Variants in BTBD9 observed in about 807,000 individuals in gnomAD.
BTBD9 encodes the protein BTB domain containing 9, also known as BTB/POZ domain-containing protein 9.
BTBD9 carries 49 observed loss-of-function variants against 64.3 expected under a neutral mutation model. The observed-to-expected ratio is 0.76, with a 90% CI of 0.61 to 0.97. The LOEUF (loss-of-function observed/expected upper bound fraction) is 0.97, where lower values mean the gene tolerates loss of function less well. Ranked by LOEUF, BTBD9 falls within the 50% of genes least tolerant of loss-of-function variation. The pLI, the probability that BTBD9 is intolerant of heterozygous loss-of-function variation, is 0.00. For synonymous variants in BTBD9, 260 were observed against 274.7 expected, an observed-to-expected ratio of 0.95 and a Z score of 0.53; for missense variants, 598 against 762.1, an observed-to-expected ratio of 0.78 and a Z score of 2.53.
At chr6:38,407,287 T>A (rs1469271440) in intron 6 of BTBD9, among the ~76,000 whole-genome samples, 1 of 152,204 alleles carries the variant, frequency 6.6e-6, no homozygotes, top group East Asian at 1.9e-4. Context: ...AAATTCTAAC[T>A]TTTGTTCCCA....
chr6:38,256,532 A>T lies in BTBD9; in HGVS notation c.1455-16T>A. On this transcript the variant is annotated splice_polypyrimidine_tract_variant and intron_variant, in intron 8 of 10. Transcript: ENST00000481247. The stretch of plus-strand genomic sequence containing the variant: ...AAGTAGTAACCTGAACAAAGGGAAA[A>T]ACATAAGATTGCTGTAAATGTTTTA... 6.4e-7 allele frequency: 1 copy of T among 1,553,872 alleles called. No individual in the cohort carries two copies. Among genetic ancestry groups the T allele is most frequent in the South Asian group, 1.1e-5 (1 of 89,366 alleles).
In BTBD9 at chr6:38,504,851, CA is replaced by C. The variant is rs144119420; in HGVS notation, c.1154+72748del. On this transcript the variant is annotated intron_variant, in intron 6 of 10. Transcript: ENST00000481247. ...CATCTATGAACCATCATACAGCCTT[CA>C]AAAGAATGAATTAGGTCGATTCCGG... is the stretch of plus-strand genomic sequence containing the variant. 3.2e-3 allele frequency among the ~76,000 whole-genome samples: 481 copies of C among 152,270 alleles called. 2 individuals carry two copies. Among genetic ancestry groups the C allele is most frequent in the African/African-American group, 0.011 (458 of 41,552 alleles).
At position 38,592,608 on chromosome 6, in the gene BTBD9, C is replaced by G. The variant is rs753245160; in HGVS notation, c.782G>C (p.Arg261Pro). The change falls in exon 4 of 11, where the codon CGG (arginine) becomes CCG (proline). Residue 261 changes from arginine (R) to proline (P), a missense_variant. By Grantham distance (103) the Arg-to-Pro change is moderately radical (BLOSUM62 -2). Coordinates refer to ENST00000481247, the MANE Select transcript of BTBD9 (RefSeq NM_001099272.2). ...LDAIKVRSES[R>P]DMDLNYRGML... ...GCCTCTATAATTGAGGTCCATATCC[C>G]GGCTCTCAGATCGCACTTTAATGGC... The G allele has an allele frequency of 2.5e-6, 4 of 1,613,936 alleles. No individual in the cohort carries two copies. Among genetic ancestry groups the G allele is most frequent in the African/African-American group, 1.3e-5 (1 of 74,872 alleles).
intron 4 of BTBD9, 112 bp from the exon 5 acceptor site, chr6:38,580,549 C>T (rs114423425): frequency 2.4e-5 from 21 of 868,072 alleles, no homozygotes; most frequent in Non-Finnish European, 3.2e-5. Context: ...CATTTAAGAA[C>T]AGCATAGACA....
intron 6 of BTBD9, among the ~76,000 whole-genome samples, chr6:38,503,341 C>T (rs967202327): frequency 1.3e-4 from 20 of 152,124 alleles, no homozygotes; most frequent in African/African-American, 4.6e-4. Context: ...ACGGCCCAGG[C>T]TAATCTCTCC....
chr6:38,187,993 T>C (rs1761891022), intron 10 of BTBD9, among the ~76,000 whole-genome samples: 6 of 151,938 alleles, frequency 3.9e-5, no homozygotes, highest in Admixed American at 3.9e-4. Flanking sequence ...GCGGGGAAAA[T>C]TAGCATGCAG....
chr6:38,549,531 G>T (rs1774701847), intron 6 of BTBD9, among the ~76,000 whole-genome samples: 1 of 151,970 alleles, frequency 6.6e-6, no homozygotes, highest in Non-Finnish European at 1.5e-5. Context: ...TCCTCACTTA[G>T]GAACTGTCAA....
chr6:38,313,974 C>T (rs1762942789), intron 7 of BTBD9, among the ~76,000 whole-genome samples: 1 of 151,696 alleles, frequency 6.6e-6, no homozygotes, highest in Non-Finnish European at 1.5e-5. Context: ...TTCCTGACCT[C>T]AGGTGATCCA....
intron 6 of BTBD9, among the ~76,000 whole-genome samples, chr6:38,543,464 T>C (rs1213877411): frequency 1.3e-5 from 2 of 152,272 alleles, no homozygotes; most frequent in Non-Finnish European, 2.9e-5. Context: ...TAATAAATGT[T>C]TGTCAAATAA....
At chr6:38,374,296 T>TATATATATATATAC (rs1491482634) in intron 6 of BTBD9, among the ~76,000 whole-genome samples, 35 of 70,612 alleles carry the variant, frequency 5.0e-4, no homozygotes, top group Non-Finnish European at 7.2e-4. Context: ...TATATATATA[T>TATATATATATATAC]GTATATATAT....
chr6:38,345,108 A>G lies in BTBD9; in HGVS notation c.1155-15T>C. The G allele has an allele frequency of 6.4e-7, 1 of 1,550,782 alleles. No individual in the cohort carries two copies. ...TTCGAATATACCTGACGGTAAAAAG[A>G]AAAGAAAATGTGTTGAAAATGAGCT... On this transcript the variant is annotated splice_polypyrimidine_tract_variant and intron_variant, in intron 6 of 10. Coordinates refer to ENST00000481247, the MANE Select transcript of BTBD9 (RefSeq NM_001099272.2).
intron 6 of BTBD9, among the ~76,000 whole-genome samples, chr6:38,556,916 G>A (rs368882364): frequency 6.7e-6 from 1 of 148,546 alleles, no homozygotes; most frequent in Non-Finnish European, 1.5e-5. Context: ...GGGAGGCTGA[G>A]GCAAGAGAAT....
chr6:38,327,761 T>G (rs183045505), intron 7 of BTBD9, among the ~76,000 whole-genome samples: 6 of 152,332 alleles, frequency 3.9e-5, no homozygotes, highest in Admixed American at 3.3e-4. Flanking sequence ...ACAGATTAGT[T>G]TGCATTACTT....
At chr6:38,588,197 G>A in intron 4 of BTBD9, 1 of 826,576 alleles carries the variant, frequency 1.2e-6, no homozygotes, top group Non-Finnish European at 2.2e-6. Context: ...AACCTCAGCA[G>A]TTCCAAGGAT....
At chr6:38,354,449 C>G (rs1459592357) in intron 6 of BTBD9, among the ~76,000 whole-genome samples, 2 of 152,052 alleles carry the variant, frequency 1.3e-5, no homozygotes, top group Non-Finnish European at 2.9e-5. Flanking sequence ...TATGATAATA[C>G]TATAGGTTCA....
intron 9 of BTBD9, among the ~76,000 whole-genome samples, chr6:38,252,964 A>G (rs566607051): frequency 1.2e-4 from 18 of 152,232 alleles, no homozygotes; most frequent in African/African-American, 3.6e-4. Context: ...AAATACAAAA[A>G]TTAGCTTGGC....
chr6:38,175,269 G>T, intron 10 of BTBD9, 87 bp from the exon 11 acceptor site: 1 of 1,388,812 alleles, frequency 7.2e-7, no homozygotes, highest in Non-Finnish European at 1.0e-6. Flanking sequence ...GCCCTGCCCA[G>T]CTTTGGGGGC....
chr6:38,617,193 C>G (rs553468791), intron 1 of BTBD9, among the ~76,000 whole-genome samples: 59 of 152,278 alleles, frequency 3.9e-4, no homozygotes, highest in Non-Finnish European at 6.6e-4. Flanking sequence ...GAACCAGCTT[C>G]TGCTTTTCCT....
At chr6:38,206,773 A>G (rs1185544983) in intron 9 of BTBD9, among the ~76,000 whole-genome samples, 1 of 152,220 alleles carries the variant, frequency 6.6e-6, no homozygotes, top group Non-Finnish European at 1.5e-5. Flanking sequence ...GTAGGAACAC[A>G]ATAGATAATT....
Sources: allele counts gnomAD v4.1 joint callset (sites outside exome capture counted in the v4.1 genomes callset), GRCh38; gene constraint gnomAD v4.1.1; transcripts MANE v1.5; gene names NCBI Gene and HGNC (gene_info 2026-07-23, HGNC 2026-07-21).